Variants in COL23A1 observed in about 807,000 individuals in gnomAD.
The protein encoded by COL23A1 is collagen alpha-1(XXIII) chain.
COL23A1 carries 97 observed loss-of-function variants against 99.3 expected under a neutral mutation model. That is an observed-to-expected ratio of 0.98 (90% CI 0.83 to 1.16). COL23A1 has a LOEUF of 1.16. Among genes scored for constraint, COL23A1 ranks in the 50% most tolerant of loss-of-function variants. The probability of loss-of-function intolerance (pLI) is 0.00; values close to 1 mark genes in which losing one functional copy is unlikely to be tolerated. For synonymous variants in COL23A1, 320 were observed against 308.2 expected (o/e 1.04, Z -0.40); for missense variants, 762 against 757.4 (o/e 1.01, Z -0.07).
chr5:178,389,039 A>C (rs1763818083), intron 2 of COL23A1, among the ~76,000 whole-genome samples: 1 of 151,522 alleles, frequency 6.6e-6, no homozygotes, highest in African/African-American at 2.4e-5. Context: ...TAAAATTTAC[A>C]CTCCTTACCA....
At chr5:178,241,479 G>A (rs1193880402) in intron 27 of COL23A1, among the ~76,000 whole-genome samples, 1 of 152,188 alleles carries the variant, frequency 6.6e-6, no homozygotes, top group East Asian at 1.9e-4. Context: ...TCTGTGCTTG[G>A]GGAAGCTGAG....
intron 2 of COL23A1, among the ~76,000 whole-genome samples, chr5:178,523,201 T>TATATATATATATAGAGAG (rs1223542330): frequency 1.7e-4 from 13 of 77,612 alleles, no homozygotes; most frequent in South Asian, 4.3e-4. Context: ...TATATATATA[T>TATATATATATATAGAGAG]AGAGAGAGAG....
rs565197537 is a variant in COL23A1 at position 178,291,073 on chromosome 5, A to C, written c.407-704T>G. Among the ~76,000 whole-genome samples, 3 of 152,316 alleles carry C rather than the reference A, an allele frequency of 2.0e-5. 1 individual carries two copies. The South Asian group carries it at 6.2e-4, about 32-fold the overall frequency. On this transcript the variant is annotated intron_variant, in intron 3 of 28. Coordinates refer to ENST00000390654, the MANE Select transcript of COL23A1 (RefSeq NM_173465.4). ...TAACGCAGAGGCTCACAGAGCAGCG[A>C]CTTGTGTGGGGCCACATCGTTGATT...
rs929312280 is a variant in COL23A1, at chr5:178,369,670, G to A, written c.362-62751C>T. ...TTATAAGGGGAGTTTCCCTGCACAC[G>A]CTCCTCTCTCTTTGCTTGCTGCCAT... is the stretch of plus-strand genomic sequence containing the variant. On this transcript the variant is annotated intron_variant, in intron 2 of 28. Coordinates refer to ENST00000390654, the MANE Select transcript of COL23A1 (RefSeq NM_173465.4). 1.1e-4 allele frequency among the ~76,000 whole-genome samples: 16 copies of A among 152,098 alleles called. No individual in the cohort carries two copies. In the East Asian group the frequency reaches 1.7e-3, roughly 16 times the overall value.
chr5:178,351,968 A>G (rs886535934), intron 2 of COL23A1: 1 of 152,218 alleles, frequency 6.6e-6, no homozygotes, highest in Non-Finnish European at 1.5e-5. Context: ...CTCGCCGGAA[A>G]TCAACTCTAA....
intron 2 of COL23A1, among the ~76,000 whole-genome samples, chr5:178,452,089 A>C (rs1010687280): frequency 1.3e-5 from 2 of 152,210 alleles, no homozygotes; most frequent in African/African-American, 4.8e-5. Context: ...AGGGAGGATA[A>C]GTCCTATCAG....
chr5:178,410,854 C>T (rs887855055), intron 2 of COL23A1, among the ~76,000 whole-genome samples: 2 of 152,116 alleles, frequency 1.3e-5, no homozygotes, highest in Non-Finnish European at 2.9e-5. Flanking sequence ...TGCAAGAATA[C>T]ATTTTCAAAT....
At chr5:178,442,215 T>A (rs1411555404) in intron 2 of COL23A1, among the ~76,000 whole-genome samples, 1 of 151,590 alleles carries the variant, frequency 6.6e-6, no homozygotes, top group Non-Finnish European at 1.5e-5. Flanking sequence ...TTAGGAAAGC[T>A]GGGATGGGTG....
intron 2 of COL23A1, among the ~76,000 whole-genome samples, chr5:178,334,276 A>G (rs777113554): frequency 2.0e-5 from 3 of 152,208 alleles, no homozygotes; most frequent in Non-Finnish European, 2.9e-5. Flanking sequence ...CACATCAGCA[A>G]GACGACCCAC....
chr5:178,388,724 C>G (rs775497543), intron 2 of COL23A1, among the ~76,000 whole-genome samples: 1 of 152,238 alleles, frequency 6.6e-6, no homozygotes, highest in Non-Finnish European at 1.5e-5. Flanking sequence ...CCCAGCCCAG[C>G]CATCCTGTCT....
rs574013195 is a variant in COL23A1 at position 178,246,421 on chromosome 5, C to T, written c.1329G>A (p.Ala443=). ...GGCCGCTGGGGCCTCTCTCACCCGA[C>T]GCACCCTTCTCTCCCTTTGCTCCAT... ...GLDGAKGEKG[A]SGERGPSGLP... The change falls in exon 23 of 29, where the codon GCG becomes GCA. Residue 443 remains alanine, a synonymous_variant. Coordinates refer to ENST00000390654, the MANE Select transcript of COL23A1 (RefSeq NM_173465.4). 32 of 1,578,992 alleles carry T rather than the reference C, an allele frequency of 2.0e-5. No homozygotes were observed. Among genetic ancestry groups the T allele is most frequent in the African/African-American group, 4.0e-5 (3 of 74,376 alleles).
intron 2 of COL23A1, among the ~76,000 whole-genome samples, chr5:178,535,156 C>T (rs1374446345): frequency 6.6e-6 from 1 of 151,872 alleles, no homozygotes; most frequent in Non-Finnish European, 1.5e-5. Flanking sequence ...GTATTTTTAG[C>T]AGAGACAGGG....
rs115709224 is a variant in COL23A1, at chr5:178,259,815, C to T, written c.703-68G>A. On this transcript the variant is annotated intron_variant, in intron 11 of 28. Transcript: ENST00000390654. ...TAGGAGAGTGGCCCGGACCCCGGAC[C>T]TCTTGTTCCTCGGGTAGAAGTGGCA... 4.6e-3 allele frequency: 6,551 copies of T among 1,439,740 alleles called. 253 individuals are homozygous for T. The African/African-American group carries it at 0.081, about 18-fold the overall frequency. 89.2% of individuals were successfully genotyped at this position (1,439,740 alleles called of 1,614,324 possible).
intron 2 of COL23A1, among the ~76,000 whole-genome samples, chr5:178,399,795 A>G (rs565762456): frequency 7.9e-5 from 12 of 152,374 alleles, no homozygotes; most frequent in African/African-American, 2.9e-4. Flanking sequence ...TGAAGTATCC[A>G]GAGCGGCCAG....
intron 2 of COL23A1, among the ~76,000 whole-genome samples, chr5:178,318,620 G>A (rs1400311756): frequency 5.9e-5 from 9 of 152,210 alleles, no homozygotes; most frequent in African/African-American, 1.2e-4. Context: ...AGGGGCTTTC[G>A]GCCGGGCGCG....
chr5:178,282,808 C>T (rs988293411), intron 5 of COL23A1, among the ~76,000 whole-genome samples: 1 of 152,144 alleles, frequency 6.6e-6, no homozygotes, highest in Admixed American at 6.5e-5. Flanking sequence ...AAAGGAAGCA[C>T]CATGAGTGGG....
intron 2 of COL23A1, among the ~76,000 whole-genome samples, chr5:178,538,050 T>C (rs368932680): frequency 2.6e-5 from 4 of 152,232 alleles, no homozygotes; most frequent in East Asian, 3.8e-4. Flanking sequence ...TTCCTTCCTT[T>C]CTGAGGCTGA....
intron 2 of COL23A1, among the ~76,000 whole-genome samples, chr5:178,352,428 G>A (rs1761383339): frequency 6.6e-6 from 1 of 152,188 alleles, no homozygotes; most frequent in Non-Finnish European, 1.5e-5. Context: ...CGTGGAGGAG[G>A]GAAGAGATGA....
chr5:178,247,940 G>A (rs987924457), intron 20 of COL23A1, 109 bp from the exon 21 acceptor site: 76 of 1,021,960 alleles, frequency 7.4e-5, no homozygotes, highest in Middle Eastern at 6.3e-4. Context: ...CTGCCCCCCA[G>A]AGGGCAGAGT....
Sources: gnomAD v4.1 joint callset for allele counts (sites outside exome capture counted in the v4.1 genomes callset) on GRCh38, gnomAD v4.1.1 for gene constraint, MANE v1.5 for transcripts, NCBI Gene and HGNC (gene_info 2026-07-23, HGNC 2026-07-21) for gene names.